Variants in DSCAM observed in about 807,000 individuals in gnomAD.
DSCAM encodes cell adhesion molecule DSCAM.
In DSCAM, 47 loss-of-function variants were observed where a neutral mutation model predicts 217.7. That is an observed-to-expected ratio of 0.22 (90% CI 0.17 to 0.28). The LOEUF is 0.28. DSCAM is among the 10% of genes least tolerant of loss of function. DSCAM has a pLI of 1.00. For synonymous variants in DSCAM, 1,056 were observed against 1,015.3 expected (o/e 1.04, Z -0.76); for missense variants, 2,080 against 2,618.3 (o/e 0.79, Z 4.49).
intron 1 of DSCAM, among the ~76,000 whole-genome samples, chr21:40,805,444 C>T (rs1002911989): frequency 2.0e-5 from 3 of 152,156 alleles, no homozygotes; most frequent in Non-Finnish European, 2.9e-5. Flanking sequence ...AGACAGGAGA[C>T]TGGAAGGCAG....
chr21:40,639,860 A>C (rs981829567), intron 3 of DSCAM, among the ~76,000 whole-genome samples: 9 of 152,222 alleles, frequency 5.9e-5, no homozygotes, highest in Non-Finnish European at 8.8e-5. Context: ...GTCATACTTG[A>C]AAATATCTGA....
chr21:40,259,886 G>C (rs2146976613), intron 11 of DSCAM, among the ~76,000 whole-genome samples: 1 of 151,788 alleles, frequency 6.6e-6, no homozygotes, highest in East Asian at 2.0e-4. Context: ...ACAGTTACAA[G>C]AGTACTAGTT....
intron 27 of DSCAM, among the ~76,000 whole-genome samples, chr21:40,063,732 G>A (rs921730584): frequency 6.6e-6 from 1 of 152,230 alleles, no homozygotes; most frequent in African/African-American, 2.4e-5. Flanking sequence ...TGCAGTGAAA[G>A]TATACGTATG....
At chr21:40,678,648 AATTCTACC>A (rs1244872207) in intron 3 of DSCAM, among the ~76,000 whole-genome samples, 1 of 152,204 alleles carries the variant, frequency 6.6e-6, no homozygotes, top group East Asian at 1.9e-4. Context: ...TCCACACAGA[AATTCTACC>A]ATTCTTAGAT....
rs2088244608 is a variant in DSCAM, at chr21:40,020,507, A to AAAGGGGC, written c.5687-7122_5687-7121insGCCCCTT. On this transcript the variant is annotated intron_variant, in intron 32 of 32. Coordinates refer to ENST00000400454, the MANE Select transcript of DSCAM (RefSeq NM_001389.5). The stretch of plus-strand genomic sequence containing the variant: ...AGCAAGCAGGGCATACACATCAAGA[A>AAAGGGGC]AAGTGTGGTGTGTGTGTGTGTGTGA... Among the ~76,000 whole-genome samples, 3 of 151,530 alleles carry AAAGGGGC rather than the reference A, an allele frequency of 2.0e-5. No homozygotes were observed. In the Admixed American group the frequency reaches 2.0e-4, roughly 10 times the overall value.
At chr21:40,818,372 C>T (rs2091900083) in intron 1 of DSCAM, among the ~76,000 whole-genome samples, 1 of 151,090 alleles carries the variant, frequency 6.6e-6, no homozygotes. Flanking sequence ...TGGTGAAACC[C>T]CATGTGTACT....
At chr21:40,110,321 T>A (rs1426217546) in intron 20 of DSCAM, among the ~76,000 whole-genome samples, 1 of 152,166 alleles carries the variant, frequency 6.6e-6, no homozygotes, top group Non-Finnish European at 1.5e-5. Context: ...GGAGAGGACC[T>A]CCAGCAAACT....
intron 1 of DSCAM, among the ~76,000 whole-genome samples, chr21:40,715,950 A>G (rs1343625508): frequency 3.9e-5 from 6 of 152,248 alleles, no homozygotes; most frequent in Admixed American, 3.3e-4. Context: ...TGTATACAAG[A>G]AACATTGCTT....
chr21:40,428,927 T>G (rs10483067), intron 3 of DSCAM, among the ~76,000 whole-genome samples: 1 of 152,066 alleles, frequency 6.6e-6, no homozygotes, highest in Non-Finnish European at 1.5e-5. Context: ...ATGAAAACTT[T>G]GCATTTTAGG....
At chr21:40,089,524 C>T (rs181867218) in intron 21 of DSCAM, among the ~76,000 whole-genome samples, 1 of 152,342 alleles carries the variant, frequency 6.6e-6, no homozygotes, top group Admixed American at 6.5e-5. Context: ...TGCCATGGCC[C>T]CATTCTGCCA....
intron 11 of DSCAM, among the ~76,000 whole-genome samples, chr21:40,214,097 G>A (rs1419304016): frequency 6.6e-6 from 1 of 152,216 alleles, no homozygotes; most frequent in East Asian, 1.9e-4. Context: ...AGTGATACCT[G>A]GGTGTAGAGA....
chr21:40,121,919 G>A (rs2090039363), intron 20 of DSCAM, among the ~76,000 whole-genome samples: 1 of 151,910 alleles, frequency 6.6e-6, no homozygotes, highest in East Asian at 1.9e-4. Context: ...TCAAACTCCT[G>A]GCCTCAAGTG....
chr21:40,802,006 C>T (rs1237808136), intron 1 of DSCAM, among the ~76,000 whole-genome samples: 2 of 152,156 alleles, frequency 1.3e-5, no homozygotes. Flanking sequence ...GGCAGGACCT[C>T]CACCAGGATC....
At chr21:40,301,016 T>C (rs1356884875) in intron 9 of DSCAM, among the ~76,000 whole-genome samples, 1 of 152,210 alleles carries the variant, frequency 6.6e-6, no homozygotes, top group Admixed American at 6.5e-5. Context: ...TCTCCCTTTC[T>C]AATCTCATTC....
chr21:40,827,849 G>A (rs1232697963), intron 1 of DSCAM, among the ~76,000 whole-genome samples: 6 of 152,186 alleles, frequency 3.9e-5, no homozygotes, highest in Admixed American at 3.3e-4. Flanking sequence ...AGTACTGTAA[G>A]GACCTCACAT....
At chr21:40,374,898 G>A (rs1172526558) in intron 3 of DSCAM, among the ~76,000 whole-genome samples, 1 of 152,062 alleles carries the variant, frequency 6.6e-6, no homozygotes, top group Non-Finnish European at 1.5e-5. Flanking sequence ...AAATTTTTGT[G>A]GTTTAAGCCT....
chr21:40,691,887 G>A (rs2837784), intron 3 of DSCAM, among the ~76,000 whole-genome samples: 65,067 of 151,802 alleles, frequency 0.43, 17,256 homozygotes, highest in African/African-American at 0.76. Flanking sequence ...AATAAGCTGA[G>A]AAACAAAAAC....
intron 3 of DSCAM, among the ~76,000 whole-genome samples, chr21:40,503,780 T>A (rs76245520): frequency 0.03 from 4,494 of 152,336 alleles, 106 homozygotes; most frequent in East Asian, 0.11. Flanking sequence ...CTGATTTTCA[T>A]GTATTTGTTT....
chr21:40,495,903 G>C (rs973758363), intron 3 of DSCAM, among the ~76,000 whole-genome samples: 1 of 151,924 alleles, frequency 6.6e-6, no homozygotes, highest in Admixed American at 6.6e-5. Flanking sequence ...ATCCAAAAAA[G>C]TTATCAAGAA....
Sources: allele counts gnomAD v4.1 joint callset (sites outside exome capture counted in the v4.1 genomes callset), GRCh38; gene constraint gnomAD v4.1.1; transcripts MANE v1.5; gene names NCBI Gene and HGNC (gene_info 2026-07-23, HGNC 2026-07-21).